The following PPM1E variants were observed in gnomAD, a reference collection of about 807,000 sequenced individuals.
PPM1E encodes the protein protein phosphatase 1E.
A neutral mutation model predicts 65.9 loss-of-function variants in PPM1E; 20 were observed. The ratio of observed to expected loss-of-function variants is 0.30; its 90% CI spans 0.21 to 0.44. PPM1E has a LOEUF of 0.44. Among genes scored for constraint, PPM1E ranks in the 20% least tolerant of loss-of-function variants. The probability of loss-of-function intolerance (pLI) is 1.00; values close to 1 mark genes in which losing one functional copy is unlikely to be tolerated. For synonymous variants in PPM1E, 352 were observed against 374.9 expected (o/e 0.94, Z 0.70); for missense variants, 713 against 953.1 (o/e 0.75, Z 3.32).
At chr17:58,826,968 G>T (rs370334193) in intron 1 of PPM1E, among the ~76,000 whole-genome samples, 2 of 151,682 alleles carry the variant, frequency 1.3e-5, no homozygotes, top group Admixed American at 6.6e-5. Context: ...CTTTTAAGGA[G>T]CTTTACTTAT....
chr17:58,815,923 C>T (rs750316880), intron 1 of PPM1E, among the ~76,000 whole-genome samples: 15 of 151,920 alleles, frequency 9.9e-5, no homozygotes, highest in Non-Finnish European at 1.5e-4. Flanking sequence ...AGAACTATCA[C>T]GTACATTCTA....
intron 1 of PPM1E, among the ~76,000 whole-genome samples, chr17:58,929,405 C>T (rs1327094895): frequency 6.6e-6 from 1 of 152,064 alleles, no homozygotes; most frequent in Non-Finnish European, 1.5e-5. Context: ...TGCCAAAATT[C>T]AATGCATGTA....
intron 1 of PPM1E, among the ~76,000 whole-genome samples, chr17:58,810,481 A>G (rs959275741): frequency 6.6e-6 from 1 of 152,304 alleles, no homozygotes. Flanking sequence ...CTGGGATTAC[A>G]GGCATGAGCC....
intron 1 of PPM1E, among the ~76,000 whole-genome samples, chr17:58,891,599 A>C (rs187676215): frequency 2.1e-4 from 32 of 152,220 alleles, no homozygotes; most frequent in African/African-American, 7.5e-4. Flanking sequence ...TTGGGATTAC[A>C]GGCATGAGCC....
At chr17:58,871,538 G>T (rs1404602986) in intron 1 of PPM1E, among the ~76,000 whole-genome samples, 1 of 152,174 alleles carries the variant, frequency 6.6e-6, no homozygotes, top group Non-Finnish European at 1.5e-5. Context: ...CTTTAGGCCA[G>T]GCACAGTGGC....
chr17:58,950,236 C>T (rs758290504), intron 1 of PPM1E, among the ~76,000 whole-genome samples: 25 of 152,110 alleles, frequency 1.6e-4, no homozygotes, highest in Admixed American at 4.6e-4. Flanking sequence ...ATGGCGGGTG[C>T]CTGTAATCCA....
At chr17:58,967,662 T>A (rs2030339761) in intron 3 of PPM1E, among the ~76,000 whole-genome samples, 2 of 152,032 alleles carry the variant, frequency 1.3e-5, no homozygotes, top group Admixed American at 1.3e-4. Flanking sequence ...TGTGTTTTTT[T>A]AAAAAGAAGC....
At chr17:58,918,108 G>T (rs2051705991) in intron 1 of PPM1E, among the ~76,000 whole-genome samples, 1 of 151,938 alleles carries the variant, frequency 6.6e-6, no homozygotes, top group Admixed American at 6.6e-5. Context: ...AATTCTTTTG[G>T]TTTATTTTCT....
intron 1 of PPM1E, among the ~76,000 whole-genome samples, chr17:58,943,351 G>A (rs993511022): frequency 6.6e-6 from 1 of 151,964 alleles, no homozygotes; most frequent in Non-Finnish European, 1.5e-5. Flanking sequence ...AACCAAAAAT[G>A]AACCTCGAAT....
At chr17:58,936,829 C>T (rs1359604549) in intron 1 of PPM1E, among the ~76,000 whole-genome samples, 1 of 152,102 alleles carries the variant, frequency 6.6e-6, no homozygotes, top group Non-Finnish European at 1.5e-5. Flanking sequence ...TGTTTTTATT[C>T]AGTAATAATC....
chr17:58,923,110 A>C (rs201971034), intron 1 of PPM1E, among the ~76,000 whole-genome samples: 3 of 150,438 alleles, frequency 2.0e-5, no homozygotes, highest in East Asian at 4.1e-4. Context: ...ACATGGCAAA[A>C]CCCATCTCTA....
chr17:58,935,766 G>A (rs1284361530), intron 1 of PPM1E, among the ~76,000 whole-genome samples: 1 of 151,916 alleles, frequency 6.6e-6, no homozygotes, highest in Non-Finnish European at 1.5e-5. Context: ...GTGAGCAAAT[G>A]GTTGGTAAGA....
intron 1 of PPM1E, among the ~76,000 whole-genome samples, chr17:58,933,571 G>A (rs1468876712): frequency 6.6e-6 from 1 of 152,144 alleles, no homozygotes; most frequent in Admixed American, 6.6e-5. Context: ...CAAGGTGGGT[G>A]GATCACCTGA....
At chr17:58,924,562 T>C (rs2051799502) in intron 1 of PPM1E, among the ~76,000 whole-genome samples, 1 of 152,070 alleles carries the variant, frequency 6.6e-6, no homozygotes, top group South Asian at 2.1e-4. Flanking sequence ...TGAGTTTCTT[T>C]TTCTTTTTCT....
intron 1 of PPM1E, among the ~76,000 whole-genome samples, chr17:58,774,160 C>CA (rs56761849): frequency 4.4e-5 from 4 of 91,562 alleles, no homozygotes; most frequent in Non-Finnish European, 7.6e-5. Flanking sequence ...GAAACTCTGT[C>CA]CCCCCCCCCC....
At chr17:58,919,628 A>G (rs1322814713) in intron 1 of PPM1E, among the ~76,000 whole-genome samples, 1 of 152,012 alleles carries the variant, frequency 6.6e-6, no homozygotes, top group Non-Finnish European at 1.5e-5. Flanking sequence ...TCTACTAAAA[A>G]CACAAAAAAT....
At chr17:58,936,425 C>T (rs901939081) in intron 1 of PPM1E, among the ~76,000 whole-genome samples, 1 of 152,124 alleles carries the variant, frequency 6.6e-6, no homozygotes, top group African/African-American at 2.4e-5. Context: ...TGAGGCTGCT[C>T]CAGACGAGTC....
intron 1 of PPM1E, among the ~76,000 whole-genome samples, chr17:58,852,673 G>A (rs1283328522): frequency 6.7e-6 from 1 of 149,222 alleles, no homozygotes; most frequent in African/African-American, 2.5e-5. Flanking sequence ...GCGTGATCTC[G>A]GCTCACTGCA....
At chr17:58,782,336 GT>G (rs1019939695) in intron 1 of PPM1E, among the ~76,000 whole-genome samples, 3 of 151,404 alleles carry the variant, frequency 2.0e-5, no homozygotes. Flanking sequence ...AACAATGAGT[GT>G]TTTTTAAAAG....
Sources: allele counts gnomAD v4.1 joint callset (sites outside exome capture counted in the v4.1 genomes callset), GRCh38; gene constraint gnomAD v4.1.1; transcripts MANE v1.5; gene names NCBI Gene and HGNC (gene_info 2026-07-23, HGNC 2026-07-21).